MTHFD1L: variants seen among roughly 807,000 people sequenced by gnomAD.
MTHFD1L encodes monofunctional C1-tetrahydrofolate synthase, mitochondrial.
MTHFD1L carries 81 observed loss-of-function variants against 119.5 expected under a neutral mutation model. The observed-to-expected ratio is 0.68, with a 90% CI of 0.57 to 0.82. The LOEUF is 0.82. MTHFD1L is among the 40% of genes least tolerant of loss of function. MTHFD1L has a pLI of 0.00. For missense variants in MTHFD1L, 1,125 were observed against 1,253.4 expected (o/e 0.90, Z 1.55); for synonymous variants, 430 against 475.2 (o/e 0.90, Z 1.24).
At chr6:150,870,281 T>C (rs1213595333) in intron 1 of MTHFD1L, among the ~76,000 whole-genome samples, 1 of 152,232 alleles carries the variant, frequency 6.6e-6, no homozygotes, top group African/African-American at 2.4e-5. Context: ...TATGCTACTT[T>C]TTGGATTTAT....
chr6:151,018,690 A>G (rs899558166), intron 24 of MTHFD1L, among the ~76,000 whole-genome samples: 4 of 152,148 alleles, frequency 2.6e-5, no homozygotes, highest in East Asian at 1.9e-4. Flanking sequence ...GGGGGGAGAC[A>G]TAGTTAAAGG....
At chr6:150,984,279 G>A (rs540153480) in intron 20 of MTHFD1L, among the ~76,000 whole-genome samples, 18 of 152,216 alleles carry the variant, frequency 1.2e-4, no homozygotes, top group South Asian at 6.2e-4. Flanking sequence ...AGGAACCTTC[G>A]CCTGTCAGGA....
chr6:150,876,023 T>TG, intron 1 of MTHFD1L, 67 bp from the exon 2 acceptor site: 1 of 1,236,220 alleles, frequency 8.1e-7, no homozygotes, highest in Non-Finnish European at 1.2e-6. Flanking sequence ...TCACAGAAAA[T>TG]GTGTTGTGTC....
intron 27 of MTHFD1L, among the ~76,000 whole-genome samples, 152 bp downstream of exon 27, chr6:151,092,739 C>A (rs1794564036): frequency 6.6e-6 from 1 of 151,916 alleles, no homozygotes; most frequent in South Asian, 2.1e-4. Context: ...TTTTCCGTGA[C>A]TGGAGTTCAC....
At chr6:150,923,571 G>A (rs1789443536) in intron 10 of MTHFD1L, among the ~76,000 whole-genome samples, 1 of 69,178 alleles carries the variant, frequency 1.4e-5, no homozygotes, top group South Asian at 4.4e-4. Context: ...TTTTGAGACA[G>A]AGTCTTGCTC....
rs1202367801 is a variant in MTHFD1L at position 150,926,561 on chromosome 6, T to C, written c.1256+266T>C. Among the ~76,000 whole-genome samples, 2 of 152,222 alleles carry C rather than the reference T, an allele frequency of 1.3e-5. No individual in the cohort carries two copies. The highest frequency in any genetic ancestry group is 2.9e-5 in the Non-Finnish European group (2 of 68,026). ...ATTATGTTGTTATTACCCCTGCTCC[T>C]CCTTGACTTTTTGAATTTCATTTTT... On this transcript the variant is annotated intron_variant, in intron 11 of 27. Transcript: ENST00000367321. The surrounding 1 kb of genome is among the most constrained non-coding windows in gnomAD (Gnocchi z 4.3).
chr6:151,097,657 C>T (rs764691404), intron 27 of MTHFD1L, among the ~76,000 whole-genome samples: 3 of 152,158 alleles, frequency 2.0e-5, no homozygotes, highest in Non-Finnish European at 2.9e-5. Flanking sequence ...TACAGTTAGA[C>T]GAAGAAATAA....
chr6:151,032,734 AG>A (rs1420972647), intron 24 of MTHFD1L, among the ~76,000 whole-genome samples: 1 of 152,226 alleles, frequency 6.6e-6, no homozygotes, highest in Non-Finnish European at 1.5e-5. Flanking sequence ...CCATTGACTC[AG>A]ACTCTTTTTA....
At chr6:151,097,312 A>T (rs1372072067) in intron 27 of MTHFD1L, among the ~76,000 whole-genome samples, 1 of 152,264 alleles carries the variant, frequency 6.6e-6, no homozygotes, top group Non-Finnish European at 1.5e-5. Flanking sequence ...CATACACAGA[A>T]ATAAGTTCAG....
intron 4 of MTHFD1L, 24 bp downstream of exon 4, chr6:150,877,850 T>G: frequency 6.2e-7 from 1 of 1,613,932 alleles, no homozygotes; most frequent in Non-Finnish European, 8.5e-7. Context: ...AGCTCTAAAC[T>G]CTTGCTTCTT....
chr6:151,004,712 T>C (rs1442801806), intron 20 of MTHFD1L, among the ~76,000 whole-genome samples: 1 of 152,180 alleles, frequency 6.6e-6, no homozygotes, highest in African/African-American at 2.4e-5. Flanking sequence ...TCTCAGCTGA[T>C]TACGGGTTTA....
intron 19 of MTHFD1L, among the ~76,000 whole-genome samples, chr6:150,966,383 C>T (rs529821745): frequency 1.3e-5 from 2 of 152,230 alleles, no homozygotes; most frequent in Non-Finnish European, 2.9e-5. Flanking sequence ...GACTCACTCA[C>T]AATCATGAGA....
chr6:150,896,923 C>T lies in MTHFD1L; in HGVS notation c.781-8727C>T, dbSNP rs559834173. 1.8e-3 allele frequency among the ~76,000 whole-genome samples: 272 copies of T among 151,094 alleles called. 2 individuals are homozygous for T. Among genetic ancestry groups the T allele is most frequent in the African/African-American group, 6.3e-3 (259 of 41,080 alleles). ...GGAATCGAGACCATCCTGGCTAACA[C>T]GGTGAAACCCTGTCTCTACTAAAAA... On this transcript the variant is annotated intron_variant, in intron 7 of 27. Transcript: ENST00000367321.
chr6:151,032,163 T>A (rs919507220), intron 24 of MTHFD1L, among the ~76,000 whole-genome samples: 9 of 152,218 alleles, frequency 5.9e-5, no homozygotes, highest in African/African-American at 2.2e-4. Flanking sequence ...TTACCCTGTG[T>A]TAGTTCACTC....
intron 7 of MTHFD1L, among the ~76,000 whole-genome samples, chr6:150,895,123 G>A (rs144195886): frequency 1.2e-4 from 18 of 152,314 alleles, no homozygotes; most frequent in African/African-American, 3.6e-4. Flanking sequence ...CCACCCAAAC[G>A]CAGGCCCCCA....
chr6:150,940,658 G>T (rs957056783), intron 13 of MTHFD1L, among the ~76,000 whole-genome samples: 6 of 152,008 alleles, frequency 3.9e-5, no homozygotes, highest in Non-Finnish European at 8.8e-5. Context: ...TCGGCTCGCT[G>T]CAACCTCTGC....
intron 20 of MTHFD1L, among the ~76,000 whole-genome samples, chr6:150,977,735 A>G (rs1329136926): frequency 6.6e-6 from 1 of 152,104 alleles, no homozygotes; most frequent in Admixed American, 6.6e-5. Flanking sequence ...TCAGATAAAG[A>G]TCTTGTCTTT....
At chr6:150,898,443 A>G (rs1784598515) in intron 7 of MTHFD1L, among the ~76,000 whole-genome samples, 2 of 152,184 alleles carry the variant, frequency 1.3e-5, no homozygotes, top group South Asian at 4.1e-4. Flanking sequence ...CTCAAAGGAA[A>G]CGGAATGCAG....
chr6:151,013,536 TC>T (rs895563925), intron 21 of MTHFD1L, among the ~76,000 whole-genome samples: 1 of 152,202 alleles, frequency 6.6e-6, no homozygotes, highest in African/African-American at 2.4e-5. Flanking sequence ...ACATTACTGA[TC>T]CCAGGTTCCC....
Sources: gnomAD v4.1 joint callset for allele counts (sites outside exome capture counted in the v4.1 genomes callset) on GRCh38, gnomAD v4.1.1 for gene constraint, Gnocchi (gnomAD v3.1) non-coding constraint, MANE v1.5 for transcripts, NCBI Gene and HGNC (gene_info 2026-07-23, HGNC 2026-07-21) for gene names.